The following ATP2B2 variants were observed in gnomAD, a reference collection of about 807,000 sequenced individuals.
ATP2B2 encodes plasma membrane calcium-transporting ATPase 2.
ATP2B2 carries 15 observed loss-of-function variants against 120.0 expected under a neutral mutation model. The ratio of observed to expected loss-of-function variants is 0.12; its 90% CI spans 0.08 to 0.19. The LOEUF is 0.19. ATP2B2 is among the 10% of genes least tolerant of loss of function. The pLI is 1.00. For synonymous variants in ATP2B2, 694 were observed against 700.3 expected (o/e 0.99, Z 0.14); for missense variants, 1,045 against 1,719.8 (o/e 0.61, Z 6.94).
chr3:10,661,435 A>G (rs2070777360), intron 1 of ATP2B2, among the ~76,000 whole-genome samples: 1 of 152,210 alleles, frequency 6.6e-6, no homozygotes, highest in Admixed American at 6.5e-5. Flanking sequence ...AAAAATCACA[A>G]GCATTCTTAT....
At chr3:10,517,713 G>A (rs947461508) in intron 3 of ATP2B2, among the ~76,000 whole-genome samples, 1 of 152,182 alleles carries the variant, frequency 6.6e-6, no homozygotes, top group Admixed American at 6.5e-5. Context: ...CTGATACATG[G>A]GGAGGTGACT....
In ATP2B2 at chr3:10,388,536, AT is replaced by A. The variant is rs1166595503; in HGVS notation, c.782-135del. ...TCATGGGGCATCACCTATGGTTAAG[AT>A]TCACACTGTGTGTGTGGTGGGCTCT... On this transcript the variant is annotated intron_variant, in intron 5 of 22. Transcript: ENST00000360273. The A allele has an allele frequency of 3.0e-6, 4 of 1,323,298 alleles. No homozygotes were observed. The African/African-American group carries it at 5.8e-5, about 19-fold the overall frequency. 82.0% of individuals were successfully genotyped at this position (1,323,298 alleles called of 1,614,324 possible).
At chr3:10,684,110 A>G (rs1292466564) in intron 1 of ATP2B2, among the ~76,000 whole-genome samples, 1 of 152,136 alleles carries the variant, frequency 6.6e-6, no homozygotes, top group African/African-American at 2.4e-5. Context: ...ATGGGTGGGC[A>G]AGTGACCCAG....
At chr3:10,563,518 G>A (rs2067947953) in intron 2 of ATP2B2, among the ~76,000 whole-genome samples, 1 of 152,256 alleles carries the variant, frequency 6.6e-6, no homozygotes, top group Admixed American at 6.5e-5. Context: ...GACGTGTAAG[G>A]TCTGAGAATC....
chr3:10,524,279 T>C (rs747538571), intron 3 of ATP2B2, among the ~76,000 whole-genome samples: 3 of 152,328 alleles, frequency 2.0e-5, no homozygotes, highest in Admixed American at 2.0e-4. Context: ...AACGCACTCA[T>C]GATATGCCAG....
chr3:10,438,287 G>T (rs1260895246), intron 2 of ATP2B2, among the ~76,000 whole-genome samples: 2 of 152,184 alleles, frequency 1.3e-5, no homozygotes, highest in African/African-American at 2.4e-5. Context: ...TGTGCTGAAG[G>T]GGGAGGCCCC....
chr3:10,623,732 G>A (rs2125627830), intron 1 of ATP2B2, among the ~76,000 whole-genome samples: 1 of 152,250 alleles, frequency 6.6e-6, no homozygotes, highest in African/African-American at 2.4e-5. Context: ...ATGAGTCATT[G>A]GCTCCAGGAG....
intron 3 of ATP2B2, among the ~76,000 whole-genome samples, chr3:10,403,155 A>G (rs189085150): frequency 5.7e-4 from 87 of 152,304 alleles, no homozygotes; most frequent in African/African-American, 2.0e-3. Context: ...GGGATCACTG[A>G]GACCACCTTC....
intron 2 of ATP2B2, among the ~76,000 whole-genome samples, chr3:10,586,000 G>T (rs11920105): frequency 0.038 from 5,820 of 152,292 alleles, 131 homozygotes; most frequent in Admixed American, 0.051. Flanking sequence ...TTCAATAACA[G>T]TTTCTGACAT....
intron 3 of ATP2B2, among the ~76,000 whole-genome samples, chr3:10,510,644 G>T (rs910127575): frequency 6.6e-6 from 1 of 152,226 alleles, no homozygotes; most frequent in African/African-American, 2.4e-5. Flanking sequence ...AAGGCCAGAG[G>T]CCAAGGTCAG....
At chr3:10,561,991 AC>A (rs1477755828) in intron 2 of ATP2B2, among the ~76,000 whole-genome samples, 4 of 152,202 alleles carry the variant, frequency 2.6e-5, no homozygotes, top group Non-Finnish European at 5.9e-5. Context: ...GAAGAAGACC[AC>A]CCAGCATCTC....
At chr3:10,685,278 A>G (rs538326208) in intron 1 of ATP2B2, among the ~76,000 whole-genome samples, 2 of 152,340 alleles carry the variant, frequency 1.3e-5, no homozygotes, top group Admixed American at 1.3e-4. Context: ...AGTCAAGCCA[A>G]TAAGTGTGCT....
chr3:10,462,484 G>C (rs1217619000), intron 1 of ATP2B2, among the ~76,000 whole-genome samples: 1 of 152,208 alleles, frequency 6.6e-6, no homozygotes, highest in Non-Finnish European at 1.5e-5. Flanking sequence ...ACCACAGAGT[G>C]AAGCTGACAG....
intron 2 of ATP2B2, among the ~76,000 whole-genome samples, chr3:10,585,482 AGACTCCGTCTG>A (rs1422548092): frequency 2.6e-5 from 3 of 115,156 alleles, no homozygotes; most frequent in African/African-American, 1.0e-4. Context: ...CGACAGAGCG[AGACTCCGTCTG>A]AAAAAAAAAA....
chr3:10,547,340 G>A (rs13316275), intron 2 of ATP2B2, among the ~76,000 whole-genome samples: 12,033 of 152,134 alleles, frequency 0.079, 625 homozygotes, highest in African/African-American at 0.15. Flanking sequence ...GAGTCCTTTC[G>A]GGCCTGGTAA....
At chr3:10,361,922 C>A (rs574931401) in intron 12 of ATP2B2, among the ~76,000 whole-genome samples, 1 of 152,142 alleles carries the variant, frequency 6.6e-6, no homozygotes, top group Non-Finnish European at 1.5e-5. Flanking sequence ...ATGGTAAGGA[C>A]GAGATGCCTC....
intron 1 of ATP2B2, among the ~76,000 whole-genome samples, chr3:10,671,083 A>G (rs1467066280): frequency 6.6e-6 from 1 of 152,218 alleles, no homozygotes; most frequent in Non-Finnish European, 1.5e-5. Context: ...TCATCTAAAT[A>G]GAGTTCTCTT....
intron 1 of ATP2B2, among the ~76,000 whole-genome samples, chr3:10,667,677 G>A (rs2070980078): frequency 6.6e-6 from 1 of 152,164 alleles, no homozygotes; most frequent in African/African-American, 2.4e-5. Context: ...GAGGGAAAGG[G>A]GCTCCTTGCC....
At chr3:10,636,057 C>T (rs749411230) in intron 1 of ATP2B2, among the ~76,000 whole-genome samples, 5 of 152,170 alleles carry the variant, frequency 3.3e-5, no homozygotes, top group Non-Finnish European at 5.9e-5. Context: ...TTCTAAGAGG[C>T]GGATGAAAGC....
Sources: allele counts gnomAD v4.1 joint callset (sites outside exome capture counted in the v4.1 genomes callset), GRCh38; gene constraint gnomAD v4.1.1; transcripts MANE v1.5; gene names NCBI Gene and HGNC (gene_info 2026-07-23, HGNC 2026-07-21).